The following TSKS variants were observed in gnomAD, a reference collection of about 807,000 sequenced individuals.
The protein encoded by TSKS is testis-specific serine kinase substrate.
Under a neutral mutation model 68.0 loss-of-function variants are expected in TSKS, and 27 were observed. The ratio of observed to expected loss-of-function variants is 0.40; its 90% CI spans 0.29 to 0.55. The LOEUF (loss-of-function observed/expected upper bound fraction) is 0.55. TSKS is among the 20% of genes least tolerant of loss of function. The probability of loss-of-function intolerance (pLI) is 0.53; values close to 1 mark genes in which losing one functional copy is unlikely to be tolerated. For synonymous variants in TSKS, 331 were observed against 340.4 expected (o/e 0.97, Z 0.30); for missense variants, 806 against 776.0 (o/e 1.04, Z -0.46).
At chr19:49,761,855 G>A in intron 2 of TSKS, 149 bp downstream of exon 2, 4 of 630,820 alleles carry the variant, frequency 6.3e-6, no homozygotes, top group South Asian at 6.0e-5. Context: ...AGAGAAGGAG[G>A]AGGCAGTTCC....
At chr19:49,747,151 A>G in intron 5 of TSKS, 1 of 1,536,050 alleles carries the variant, frequency 6.5e-7, no homozygotes, top group Non-Finnish European at 8.7e-7. Context: ...TCTCACCTGA[A>G]GTCCAGCTCG....
At chr19:49,740,302 T>C in intron 9 of TSKS, 119 bp from the exon 10 acceptor site, 1 of 1,266,936 alleles carries the variant, frequency 7.9e-7, no homozygotes, top group Non-Finnish European at 1.1e-6. Context: ...TCCCTCAGAG[T>C]TTCCCATCAT....
chr19:49,755,039 A>G (rs868504992), intron 2 of TSKS, among the ~76,000 whole-genome samples: 3 of 152,074 alleles, frequency 2.0e-5, no homozygotes, highest in African/African-American at 7.2e-5. Context: ...AGAGGTTGCA[A>G]TGAGCTGAGA....
Position 49,740,171 on chromosome 19 carries a change from G to A in TSKS, c.1510C>T (p.Gln504Ter). The A allele has an allele frequency of 6.2e-7, 1 of 1,612,958 alleles. No homozygotes were observed. The highest frequency in any genetic ancestry group is 8.5e-7 in the Non-Finnish European group (1 of 1,179,804). The change falls in exon 10 of 11, where the codon CAG becomes TAG. Residue 504 changes from glutamine (Q) to a stop codon, truncating the protein, a stop_gained. Coordinates refer to ENST00000246801, the MANE Select transcript of TSKS (RefSeq NM_021733.2). LOFTEE classifies it high-confidence loss of function. Reference protein sequence around the residue: ...LHKKILELERQALAKHVRAEA... With the variant: ...LHKKILELER ...GCCCTGACGTGTTTGGCTAAGGCCTGGCGCTCCAGCTCCTGGGGAGAGGAG... is the reference window on the plus strand; with the variant it reads ...GCCCTGACGTGTTTGGCTAAGGCCTAGCGCTCCAGCTCCTGGGGAGAGGAG...
At chr19:49,743,090 T>C (rs2084265713) in intron 8 of TSKS, among the ~76,000 whole-genome samples, 1 of 151,904 alleles carries the variant, frequency 6.6e-6, no homozygotes, top group South Asian at 2.1e-4. Context: ...TAAGTGTTTT[T>C]TTTTTTTTGA....
At chr19:49,748,577 T>A (rs1450229656) in intron 2 of TSKS, 108 bp from the exon 3 acceptor site, 1 of 1,050,248 alleles carries the variant, frequency 9.5e-7, no homozygotes, top group Admixed American at 2.3e-5. Context: ...GATTTTGCCC[T>A]GGAATGGCTA....
rs758237478 is a variant in TSKS, at chr19:49,748,356, T to A, written c.495+18A>T. The A allele has an allele frequency of 6.2e-7, 1 of 1,611,228 alleles. No individual in the cohort carries two copies. The highest frequency in any genetic ancestry group is 8.5e-7 in the Non-Finnish European group (1 of 1,177,702). ...CCCTGGAGGAAGGGCAGGTGTTGGA[T>A]ATAGGGGGTCCTCACACCTGCAGAG... On this transcript the variant is annotated intron_variant, in intron 3 of 10. Transcript: ENST00000246801.
In TSKS at chr19:49,762,225, G is replaced by A; in HGVS notation, c.178C>T (p.Pro60Ser). ...TGCATGGGCTGATGGGACATCTGGG[G>A]CTCCACCCTGCAGAGAAGAAACAGG... is the stretch of plus-strand genomic sequence containing the variant. ...KKAVSFHGVEPQMSHQPMHWC... is the reference protein window; with the variant it reads ...KKAVSFHGVESQMSHQPMHWC... Residue 60 changes from proline to serine, a missense_variant, in exon 2 of 11, where the codon CCC (proline) becomes TCC (serine). By Grantham distance (74) the Pro-to-Ser change is moderately conservative. Coordinates refer to ENST00000246801, the MANE Select transcript of TSKS (RefSeq NM_021733.2). The A allele has an allele frequency of 1.9e-6, 3 of 1,613,600 alleles. No individual in the cohort carries two copies. Among genetic ancestry groups the A allele is most frequent in the South Asian group, 1.1e-5 (1 of 91,042 alleles).
At chr19:49,755,090 C>T (rs530941067) in intron 2 of TSKS, among the ~76,000 whole-genome samples, 2 of 151,918 alleles carry the variant, frequency 1.3e-5, no homozygotes, top group African/African-American at 4.8e-5. Context: ...AGAGAGACTC[C>T]GTCTCAAAAA....
Position 49,742,011 on chromosome 19 carries a change from C to T in TSKS, c.1371G>A (p.Ser457=), listed in dbSNP as rs201242813. The T allele has an allele frequency of 1.1e-5, 18 of 1,613,812 alleles. No individual in the cohort carries two copies. Among genetic ancestry groups the T allele is most frequent in the Non-Finnish European group, 1.3e-5 (15 of 1,180,010 alleles). Residue 457 remains serine (S), a synonymous_variant, in exon 9 of 11, where the codon TCG becomes TCA. Transcript: ENST00000246801. ...GNCARCASQG[S]QLSTESLQQL... ...GCTGCAGGGACTCCGTAGACAACTGCGACCCCTGGCTGGGGGAGGGGCGGT... is the reference window on the plus strand; with the variant it reads ...GCTGCAGGGACTCCGTAGACAACTGTGACCCCTGGCTGGGGGAGGGGCGGT...
Position 49,759,468 on chromosome 19 carries a change from CA to C in TSKS, c.399+2535del, listed in dbSNP as rs557013917. Among the ~76,000 whole-genome samples, 684 of 105,422 alleles carry C rather than the reference CA, an allele frequency of 6.5e-3. 3 individuals are homozygous for C. Among genetic ancestry groups the C allele is most frequent in the African/African-American group, 0.012 (357 of 28,932 alleles). The allele number at this position is 105,422 out of a possible 152,430, so 69.2% of individuals were successfully genotyped here. ...TGGCAACAGAGCGAGACTCCATTTC[CA>C]AAAAAAAAAAAAAAAAATTACCTGG... is the stretch of plus-strand genomic sequence containing the variant. On this transcript the variant is annotated intron_variant, in intron 2 of 10. Transcript: ENST00000246801.
chr19:49,739,902 G>A lies in TSKS; in HGVS notation c.1653C>T (p.His551=). ...EEKMATLDHL[H]LKMCSLHDHL... The stretch of plus-strand genomic sequence containing the variant: ...GATCGTGGAGGGAGCACATCTTCAA[G>A]TGTAGATGGTCCAGAGTGGCCATCT... Residue 551 remains histidine, a synonymous_variant, in exon 11 of 11, where the codon CAC becomes CAT. Transcript: ENST00000246801. 1 of 1,613,962 alleles carries A rather than the reference G, an allele frequency of 6.2e-7. No individual in the cohort carries two copies. The highest frequency in any genetic ancestry group is 2.2e-5 in the East Asian group (1 of 44,862).
chr19:49,742,043 A>C (rs764473016), intron 8 of TSKS, 23 bp from the exon 9 acceptor site: 3 of 1,611,880 alleles, frequency 1.9e-6, no homozygotes, highest in Middle Eastern at 1.7e-4. Context: ...CGGTCACCAG[A>C]TAAAGAGGCC....
Position 49,739,856 on chromosome 19 carries a change from C to CA in TSKS, c.1698dup (p.Glu567Ter). The CA allele has an allele frequency of 6.2e-7, 1 of 1,614,072 alleles. No homozygotes were observed. The highest frequency in any genetic ancestry group is 8.5e-7 in the Non-Finnish European group (1 of 1,180,000). ...CCCCCCATTGTTCCCGTGGACCCCT[C>CA]AAGTGGCAGGTTGCTGAGATGATCG... On this transcript the variant is annotated frameshift_variant, in exon 11 of 11. Coordinates refer to ENST00000246801, the MANE Select transcript of TSKS (RefSeq NM_021733.2). LOFTEE classifies it high-confidence loss of function.
At position 49,744,338 on chromosome 19, in the gene TSKS, T is replaced by C. The variant is rs1207551676; in HGVS notation, c.1254A>G (p.Lys418=). 2 of 1,613,914 alleles carry C rather than the reference T, an allele frequency of 1.2e-6. No homozygotes were observed. Among genetic ancestry groups the C allele is most frequent in the East Asian group, 2.2e-5 (1 of 44,854 alleles). The part of the protein sequence containing the change: ...RSELEGLGPL[K]PILEEFGRQF... ...GCCGCCCGAACTCCTCCAGAATGGG[T>C]TTCAGTGGGCCCAGCCCCTCCAGTT... is the stretch of plus-strand genomic sequence containing the variant. The change falls in exon 8 of 11, where the codon AAA becomes AAG. Residue 418 remains lysine (K), a synonymous_variant. Transcript: ENST00000246801.
intron 2 of TSKS, among the ~76,000 whole-genome samples, chr19:49,758,231 T>C (rs1213019756): frequency 6.6e-6 from 1 of 152,082 alleles, no homozygotes; most frequent in Non-Finnish European, 1.5e-5. Context: ...CTCTGTGTCC[T>C]TCTCTCTGCC....
At position 49,763,277 on chromosome 19, in the gene TSKS, C is replaced by A. The variant is rs756302957; in HGVS notation, c.-30G>T. 8.8e-6 allele frequency: 13 copies of A among 1,472,846 alleles called. No individual in the cohort carries two copies. In the South Asian group the frequency reaches 1.7e-4, roughly 19 times the overall value. 91.2% of individuals were successfully genotyped at this position (1,472,846 alleles called of 1,614,324 possible). A position where few individuals can be genotyped will look rare whatever the true frequency, so the allele number is the denominator to read the frequency against. On this transcript the variant is annotated 5_prime_UTR_variant, in exon 1 of 11. Coordinates refer to ENST00000246801, the MANE Select transcript of TSKS (RefSeq NM_021733.2). The surrounding 1 kb of genome is among the most constrained non-coding windows in gnomAD (Gnocchi z 4.5). ...TGGGGGTCTGGCTCCCAGGGAGGGG[C>A]TCCTTCCTCTGAGACTTCCTACCTA...
intron 8 of TSKS, 30 bp downstream of exon 8, chr19:49,744,201 G>A (rs1196117813): frequency 6.2e-7 from 1 of 1,601,144 alleles, no homozygotes; most frequent in South Asian, 1.1e-5. Flanking sequence ...CTATCCACAA[G>A]GCTCCCAGAG....
intron 9 of TSKS, 135 bp from the exon 10 acceptor site, chr19:49,740,318 G>A (rs900771458): frequency 1.8e-6 from 2 of 1,128,602 alleles, no homozygotes; most frequent in Non-Finnish European, 2.4e-6. Flanking sequence ...ATCATGCCTT[G>A]AGCTTGAGAC....
Sources: allele counts gnomAD v4.1 joint callset (sites outside exome capture counted in the v4.1 genomes callset), GRCh38; gene constraint gnomAD v4.1.1; non-coding constraint Gnocchi (gnomAD v3.1); transcripts MANE v1.5; gene names NCBI Gene and HGNC (gene_info 2026-07-23, HGNC 2026-07-21).